Variants in FOXN2 observed in about 807,000 individuals in gnomAD.
FOXN2 encodes the protein forkhead box protein N2.
FOXN2 carries 19 observed loss-of-function variants against 41.2 expected under a neutral mutation model. The observed-to-expected ratio is 0.46, with a 90% confidence interval of 0.32 to 0.68. The LOEUF is 0.68. Ranked by LOEUF, FOXN2 falls within the 30% of genes least tolerant of loss-of-function variation. The pLI is 0.03. For missense variants in FOXN2, 587 were observed against 509.4 expected (o/e 1.15, Z -1.47); for synonymous variants, 195 against 176.8 (o/e 1.10, Z -0.82).
intron 3 of FOXN2, 94 bp downstream of exon 3, chr2:48,346,845 TAGTCA>T: frequency 9.6e-7 from 1 of 1,046,604 alleles, no homozygotes; most frequent in Non-Finnish European, 1.4e-6. Flanking sequence ...AGACAATAAG[TAGTCA>T]AGTCAAATTA....
intron 2 of FOXN2, among the ~76,000 whole-genome samples, chr2:48,344,136 T>C (rs1202301968): frequency 1.3e-5 from 2 of 152,224 alleles, no homozygotes; most frequent in Non-Finnish European, 2.9e-5. Flanking sequence ...AGAGAGACTT[T>C]GATAAAATGA....
At chr2:48,346,790 G>C in intron 3 of FOXN2, 39 bp downstream of exon 3, 2 of 1,492,014 alleles carry the variant, frequency 1.3e-6, no homozygotes, top group Non-Finnish European at 1.8e-6. Context: ...GGTGAGGTGG[G>C]GGGACTAATT....
intron 4 of FOXN2, among the ~76,000 whole-genome samples, chr2:48,361,708 A>AT (rs1039868626): frequency 4.6e-5 from 7 of 151,682 alleles, no homozygotes; most frequent in East Asian, 1.9e-4. Context: ...TAACAAATAG[A>AT]TTTTTTTTTC....
intron 4 of FOXN2, among the ~76,000 whole-genome samples, chr2:48,361,557 C>G (rs1319806449): frequency 2.6e-5 from 4 of 151,908 alleles, no homozygotes; most frequent in African/African-American, 9.7e-5. Context: ...ACATTTTGCC[C>G]TTTATGTTGT....
chr2:48,328,206 G>C (rs111634765), intron 1 of FOXN2, among the ~76,000 whole-genome samples: 12 of 152,240 alleles, frequency 7.9e-5, no homozygotes, highest in African/African-American at 2.6e-4. Flanking sequence ...TCGCTCTGTT[G>C]ACTTTTTAAG....
chr2:48,350,407 A>AC (rs1671376521), intron 3 of FOXN2, among the ~76,000 whole-genome samples: 1 of 152,254 alleles, frequency 6.6e-6, no homozygotes, highest in South Asian at 2.1e-4. Flanking sequence ...GGCACATGGC[A>AC]CATTGCCTTG....
intron 2 of FOXN2, among the ~76,000 whole-genome samples, chr2:48,337,657 A>G (rs575577736): frequency 3.9e-5 from 6 of 152,188 alleles, no homozygotes; most frequent in Admixed American, 2.0e-4. Context: ...TCTTTCGTTG[A>G]TGGACACTTA....
At chr2:48,318,626 A>G (rs1182203096) in intron 1 of FOXN2, among the ~76,000 whole-genome samples, 1 of 152,206 alleles carries the variant, frequency 6.6e-6, no homozygotes, top group Non-Finnish European at 1.5e-5. Flanking sequence ...CCTTAACCTA[A>G]TTTTGATTCA....
intron 1 of FOXN2, among the ~76,000 whole-genome samples, chr2:48,321,351 G>A (rs544655743): frequency 6.6e-6 from 1 of 152,064 alleles, no homozygotes; most frequent in Non-Finnish European, 1.5e-5. Flanking sequence ...TGGCTAACAC[G>A]GTGAAACCCC....
Position 48,346,502 on chromosome 2 carries a change from T to C in FOXN2, c.288T>C (p.Phe96=), listed in dbSNP as rs759659390. Residue 96 remains phenylalanine (F), a synonymous_variant, in exon 3 of 7, where the codon TTT becomes TTC. Coordinates refer to ENST00000340553, the MANE Select transcript of FOXN2 (RefSeq NM_002158.4). ...TAGAGGGAGATGATGTGCCATCCTT[T>C]GGACCAGCTTGCTACCAGAACCCAG... ...YDIEGDDVPS[F]GPACYQNPEK... is the part of the protein sequence containing the mutation. 12 of 1,613,988 alleles carry C rather than the reference T, an allele frequency of 7.4e-6. No individual in the cohort carries two copies. In the South Asian group the frequency reaches 1.3e-4, roughly 18 times the overall value.
At chr2:48,343,597 A>G (rs1670907230) in intron 2 of FOXN2, among the ~76,000 whole-genome samples, 2 of 151,914 alleles carry the variant, frequency 1.3e-5, no homozygotes, top group African/African-American at 4.8e-5. Flanking sequence ...CTGTTTCTAT[A>G]AAAAAAATTT....
At position 48,329,616 on chromosome 2, in the gene FOXN2, A is replaced by C. The variant is rs150147371; in HGVS notation, c.-15+914A>C. The stretch of plus-strand genomic sequence containing the variant: ...TGACCAAGAGGCAGTTTTATCCCTA[A>C]GAGACCATAATGCTTCAGTTCTCCT... On this transcript the variant is annotated intron_variant, in intron 2 of 6. Transcript: ENST00000340553. Among the ~76,000 whole-genome samples the C allele has an allele frequency of 1.4e-3, 211 of 152,276 alleles. 5 individuals are homozygous for C. The East Asian group carries it at 0.036, about 26-fold the overall frequency.
chr2:48,361,068 A>G (rs1672142558), intron 4 of FOXN2, among the ~76,000 whole-genome samples: 1 of 151,918 alleles, frequency 6.6e-6, no homozygotes, highest in Non-Finnish European at 1.5e-5. Context: ...GTAAACCATC[A>G]CAAATATATT....
At chr2:48,349,345 G>C (rs1233039568) in intron 3 of FOXN2, among the ~76,000 whole-genome samples, 5 of 152,054 alleles carry the variant, frequency 3.3e-5, no homozygotes. Flanking sequence ...AAATTAGCTG[G>C]GCGTGGTGGT....
At chr2:48,318,612 A>G (rs1669088415) in intron 1 of FOXN2, among the ~76,000 whole-genome samples, 1 of 152,228 alleles carries the variant, frequency 6.6e-6, no homozygotes, top group South Asian at 2.1e-4. Flanking sequence ...GCCATACTCA[A>G]AAACCTTAAC....
chr2:48,356,958 A>C lies in FOXN2; in HGVS notation c.538-2089A>C, dbSNP rs952179612. On this transcript the variant is annotated intron_variant, in intron 3 of 6. Transcript: ENST00000340553. ...CACAGAAGGCTATTTTGTTATAGGC[A>C]AATTTAGTTTTAAACAGTTATTATT... Among the ~76,000 whole-genome samples the C allele has an allele frequency of 2.6e-5, 4 of 152,342 alleles. No individual in the cohort carries two copies. In the South Asian group the frequency reaches 6.2e-4, roughly 24 times the overall value.
rs982868139 is a variant in FOXN2, at chr2:48,357,847, A to G, written c.538-1200A>G. On this transcript the variant is annotated intron_variant, in intron 3 of 6. Transcript: ENST00000340553. ...ATTTAATCCAAAAATACATTTGTAA[A>G]ACTTGTCTTTTATTGAAAAAAAAAA... 1.6e-4 allele frequency among the ~76,000 whole-genome samples: 23 copies of G among 147,848 alleles called. 1 individual carries two copies. The highest frequency in any genetic ancestry group is 4.5e-5 in the Non-Finnish European group (3 of 67,250).
intron 5 of FOXN2, among the ~76,000 whole-genome samples, chr2:48,363,538 C>A (rs992520297): frequency 3.3e-5 from 5 of 152,194 alleles, no homozygotes; most frequent in Non-Finnish European, 5.9e-5. Context: ...ATTCACTCAC[C>A]ACTAACACTC....
intron 5 of FOXN2, among the ~76,000 whole-genome samples, chr2:48,373,054 C>G (rs1157116123): frequency 4.6e-5 from 7 of 152,014 alleles, no homozygotes; most frequent in Non-Finnish European, 8.8e-5. Flanking sequence ...TGCATTATTT[C>G]TGGTATCTCT....
Sources: allele counts gnomAD v4.1 joint callset (sites outside exome capture counted in the v4.1 genomes callset), GRCh38; gene constraint gnomAD v4.1.1; transcripts MANE v1.5; gene names NCBI Gene and HGNC (gene_info 2026-07-23, HGNC 2026-07-21).